Variants in C1GALT1 observed in about 807,000 individuals in gnomAD.
C1GALT1 encodes the protein glycoprotein-N-acetylgalactosamine 3-beta-galactosyltransferase 1.
C1GALT1 carries 11 observed loss-of-function variants against 31.0 expected under a neutral mutation model. The ratio of observed to expected loss-of-function variants is 0.36; its 90% CI spans 0.22 to 0.59. C1GALT1 has a LOEUF of 0.59. Ranked by LOEUF, C1GALT1 falls within the 20% of genes least tolerant of loss-of-function variation. C1GALT1 has a pLI of 0.79. For missense variants in C1GALT1, 424 were observed against 425.2 expected (o/e 1.00, Z 0.03); for synonymous variants, 175 against 143.6 (o/e 1.22, Z -1.56).
At chr7:7,180,148 T>C (rs899219537), upstream of C1GALT1, among the ~76,000 whole-genome samples, 3 of 152,230 alleles carry the variant, frequency 2.0e-5, no homozygotes, top group African/African-American at 7.2e-5. Context: ...TATTAAACAC[T>C]AGACACAAGA....
Position 7,188,523 on chromosome 7 carries a change from A to G in C1GALT1, c.-18+5703A>G, listed in dbSNP as rs539059378. 1.6e-4 allele frequency among the ~76,000 whole-genome samples: 24 copies of G among 152,238 alleles called. No homozygotes were observed. The East Asian group carries it at 4.4e-3, about 28-fold the overall frequency. On this transcript the variant is annotated intron_variant, in intron 1 of 3. Transcript: ENST00000436587. ...CTGTAGATAAAAATTGCCTCCCTTT[A>G]TTTAATTTTTATCAGAAAAGTAATG...
chr7:7,238,525 G>A lies in C1GALT1; in HGVS notation c.491G>A (p.Trp164Ter). Residue 164 changes from tryptophan (W) to a stop codon, truncating the protein, a stop_gained, in exon 3 of 4, where the codon TGG becomes TAG. Coordinates refer to ENST00000436587, the MANE Select transcript of C1GALT1 (RefSeq NM_020156.5). LOFTEE classifies it high-confidence loss of function. The surrounding 1 kb of genome is among the most constrained non-coding windows in gnomAD (Gnocchi z 5.2). Reference sequence around the variant, plus strand: ...GAACATTATTTAGAAGATGCTGATTGGTTTTTGAAAGCAGATGATGACACG... The same window carrying A: ...GAACATTATTTAGAAGATGCTGATTAGTTTTTGAAAGCAGATGATGACACG... ...VHEHYLEDAD[W>*]FLKADDDTYV... 6.2e-7 allele frequency: 1 copy of A among 1,614,096 alleles called. No homozygotes were observed. Among genetic ancestry groups the A allele is most frequent in the Non-Finnish European group, 8.5e-7 (1 of 1,179,976 alleles).
chr7:7,182,358 G>C (rs1273480887), upstream of C1GALT1, among the ~76,000 whole-genome samples: 2 of 152,224 alleles, frequency 1.3e-5, no homozygotes, highest in Non-Finnish European at 2.9e-5. Context: ...GCAGACACAA[G>C]CCGCAAGGGG....
intron 2 of C1GALT1, 118 bp downstream of exon 2, chr7:7,234,657 TC>T: frequency 4.1e-6 from 3 of 733,984 alleles, no homozygotes; most frequent in Non-Finnish European, 6.5e-6. Context: ...TAAAAATAAT[TC>T]TTGGTTTGCC....
At chr7:7,197,205 A>T (rs1781329033) in intron 1 of C1GALT1, among the ~76,000 whole-genome samples, 1 of 152,104 alleles carries the variant, frequency 6.6e-6, no homozygotes, top group African/African-American at 2.4e-5. Context: ...ATGCATCTTG[A>T]ATTAATTTTT....
intron 1 of C1GALT1, 38 bp downstream of exon 1, chr7:7,182,858 A>AGGTCTCGTCTCCCC (rs1161452900): frequency 2.5e-4 from 251 of 985,232 alleles, no homozygotes; most frequent in Non-Finnish European, 2.8e-4. Context: ...TACGGGTCCA[A>AGGTCTCGTCTCCCC]GGTCTCGTCT....
chr7:7,194,934 C>A (rs1781220830), intron 1 of C1GALT1, among the ~76,000 whole-genome samples: 1 of 152,020 alleles, frequency 6.6e-6, no homozygotes, highest in African/African-American at 2.4e-5. Flanking sequence ...TCACCCATCT[C>A]CTCTCGATTT....
rs1313752197 is a variant in C1GALT1, at chr7:7,243,669, A to C, written c.1034A>C (p.Lys345Thr). 18 of 1,606,096 alleles carry C rather than the reference A, an allele frequency of 1.1e-5. No homozygotes were observed. Among genetic ancestry groups the C allele is most frequent in the Non-Finnish European group, 1.3e-5 (15 of 1,177,924 alleles). Residue 345 changes from lysine to threonine, a missense_variant, in exon 4 of 4, where the codon AAG (lysine) becomes ACG (threonine). Transcript: ENST00000436587. ...YQPTLPERILKEISQANKNED... is the reference protein window; with the variant it reads ...YQPTLPERILTEISQANKNED... ...CCTACCTTACCTGAACGTATACTAA[A>C]GGAAATTAGTCAAGCAAACAAAAAT...
chr7:7,160,029 A>T (rs143213545), intron 2 of C1GALT1, among the ~76,000 whole-genome samples: 1 of 152,166 alleles, frequency 6.6e-6, no homozygotes, highest in Non-Finnish European at 1.5e-5. Flanking sequence ...TCAAAGATCA[A>T]TGGCAGCAAC....
chr7:7,209,267 G>A (rs900401678), intron 1 of C1GALT1, among the ~76,000 whole-genome samples: 2 of 152,184 alleles, frequency 1.3e-5, no homozygotes, highest in Non-Finnish European at 2.9e-5. Context: ...TATAAAAAGT[G>A]ATTGACTTCA....
At chr7:7,228,938 T>C (rs752859351) in intron 1 of C1GALT1, among the ~76,000 whole-genome samples, 8 of 152,138 alleles carry the variant, frequency 5.3e-5, no homozygotes, top group Non-Finnish European at 7.4e-5. Flanking sequence ...TTTTGTGTTA[T>C]AGAAGTAGGC....
At position 7,238,347 on chromosome 7, in the gene C1GALT1, A is replaced by G. The variant is rs761004658; in HGVS notation, c.313A>G (p.Lys105Glu). 2 of 1,614,130 alleles carry G rather than the reference A, an allele frequency of 1.2e-6. No homozygotes were observed. The highest frequency in any genetic ancestry group is 1.7e-5 in the Admixed American group (1 of 60,014). ...CCCTCAAAACCTAGAGAAAAAGGCC[A>G]AACACGTCAAAGCTACTTGGGCCCA... ...TGPQNLEKKA[K>E]HVKATWAQRC... Residue 105 changes from lysine to glutamate, a missense_variant, in exon 3 of 4, where the codon AAA (lysine) becomes GAA (glutamate). Around this residue, in one of 3 missense-constraint regions of C1GALT1, gnomAD observed 189 missense variants for 158.2 expected, o/e 1.19. Transcript: ENST00000436587. This position sits in a 1 kb window ranked among gnomAD's most constrained non-coding sequence, Gnocchi z 5.2.
chr7:7,167,684 A>G (rs1309550120), intron 2 of C1GALT1, among the ~76,000 whole-genome samples: 1 of 151,942 alleles, frequency 6.6e-6, no homozygotes, highest in Admixed American at 6.6e-5. Context: ...GGACATTCCA[A>G]TTCACCAAAA....
At chr7:7,187,968 G>A (rs987638336) in intron 1 of C1GALT1, among the ~76,000 whole-genome samples, 7 of 151,966 alleles carry the variant, frequency 4.6e-5, no homozygotes, top group African/African-American at 1.7e-4. Flanking sequence ...TTCATGGGGT[G>A]ACATGGTCAG....
chr7:7,204,733 T>G lies in C1GALT1; in HGVS notation c.-18+21913T>G, dbSNP rs79309611. 2.6e-3 allele frequency among the ~76,000 whole-genome samples: 394 copies of G among 152,270 alleles called. 1 individual carries two copies. Among genetic ancestry groups the G allele is most frequent in the African/African-American group, 9.2e-3 (383 of 41,572 alleles). ...CACTGCTTTATCTGTGTCCCATAAA[T>G]TTTCTTATGTTGTGTTTTTCGTTTG... On this transcript the variant is annotated intron_variant, in intron 1 of 3. Coordinates refer to ENST00000436587, the MANE Select transcript of C1GALT1 (RefSeq NM_020156.5).
rs775016594 is a variant in C1GALT1 at position 7,243,504 on chromosome 7, T to C, written c.889-20T>C. The stretch of plus-strand genomic sequence containing the variant: ...CAATGTGCTGTTTATTAACAATACC[T>C]GTTTCCACTACTTTTTTAGGGTCCT... On this transcript the variant is annotated intron_variant, in intron 3 of 3. Transcript: ENST00000436587. 5.0e-5 allele frequency: 79 copies of C among 1,565,294 alleles called. No homozygotes were observed. The highest frequency in any genetic ancestry group is 8.6e-6 in the Non-Finnish European group (10 of 1,157,846).
rs115089103 is a variant in C1GALT1 at position 7,237,106 on chromosome 7, A to C, written c.221-1149A>C. 5.8e-3 allele frequency among the ~76,000 whole-genome samples: 880 copies of C among 152,348 alleles called. 9 individuals are homozygous for C. Among genetic ancestry groups the C allele is most frequent in the African/African-American group, 0.02 (820 of 41,576 alleles). On this transcript the variant is annotated intron_variant, in intron 2 of 3. Transcript: ENST00000436587. ...ATTGTAATTGGAGTAATTTTGTCTG[A>C]AGCTAAAAATAAAAATTTAGGACTT... is the stretch of plus-strand genomic sequence containing the variant.
intron 1 of C1GALT1, among the ~76,000 whole-genome samples, chr7:7,185,403 G>A (rs375400370): frequency 1.3e-5 from 2 of 152,128 alleles, no homozygotes; most frequent in African/African-American, 4.8e-5. Context: ...AACAAAATAC[G>A]ACAAACTGGG....
rs372754405 is a variant in C1GALT1, at chr7:7,183,359, TGC to T, written c.-18+540_-18+541del. On this transcript the variant is annotated intron_variant, in intron 1 of 3. Transcript: ENST00000436587. ...CCAGCGAGCGGGCTCCTTCCAGAGGTGCCTGGAGCTTGCTTGGGTCTAGCTTG... is the reference window on the plus strand; with the variant it reads ...CCAGCGAGCGGGCTCCTTCCAGAGGTCTGGAGCTTGCTTGGGTCTAGCTTG... 3.5e-3 allele frequency among the ~76,000 whole-genome samples: 537 copies of T among 152,232 alleles called. 3 individuals are homozygous for T. The highest frequency in any genetic ancestry group is 0.012 in the African/African-American group (509 of 41,554).
Sources: allele counts gnomAD v4.1 joint callset (sites outside exome capture counted in the v4.1 genomes callset), GRCh38; gene constraint gnomAD v4.1.1; regional missense constraint gnomAD v4.1.1; non-coding constraint Gnocchi (gnomAD v3.1); transcripts MANE v1.5; gene names NCBI Gene and HGNC (gene_info 2026-07-23, HGNC 2026-07-21).